Variants in EPHA6 observed in about 807,000 individuals in gnomAD.
The protein encoded by EPHA6 is ephrin type-A receptor 6.
In EPHA6, 50 loss-of-function variants were observed where a neutral mutation model predicts 112.0. That is an observed-to-expected ratio of 0.45 (90% CI 0.36 to 0.56). The LOEUF (loss-of-function observed/expected upper bound fraction) is 0.56, where lower values mean the gene tolerates loss of function less well. EPHA6 is among the 20% of genes least tolerant of loss of function. The probability of loss-of-function intolerance (pLI) is 0.00; values close to 1 mark genes in which losing one functional copy is unlikely to be tolerated. For missense variants in EPHA6, 1,280 were observed against 1,417.4 expected, an observed-to-expected ratio of 0.90 and a Z score of 1.56; for synonymous variants, 529 against 490.7, an observed-to-expected ratio of 1.08 and a Z score of -1.03.
chr3:97,465,029 G>A (rs2091009262), intron 7 of EPHA6, among the ~76,000 whole-genome samples: 1 of 152,062 alleles, frequency 6.6e-6, no homozygotes, highest in Non-Finnish European at 1.5e-5. Context: ...TACCTGCCAT[G>A]ATGGCAAATA....
At chr3:96,836,070 C>T (rs904445116) in intron 1 of EPHA6, among the ~76,000 whole-genome samples, 4 of 152,032 alleles carry the variant, frequency 2.6e-5, no homozygotes, top group Non-Finnish European at 4.4e-5. Flanking sequence ...TAATACTTGG[C>T]TACTACATGA....
intron 5 of EPHA6, among the ~76,000 whole-genome samples, chr3:97,274,475 G>A (rs987399519): frequency 3.9e-5 from 6 of 152,222 alleles, no homozygotes; most frequent in Admixed American, 1.3e-4. Context: ...CCCTTGCGTA[G>A]TGAGGAAACC....
At chr3:97,226,618 C>A (rs965066767) in intron 4 of EPHA6, among the ~76,000 whole-genome samples, 199 bp downstream of exon 4, 5 of 152,196 alleles carry the variant, frequency 3.3e-5, no homozygotes, top group Admixed American at 3.3e-4. Context: ...GTTTACTCCT[C>A]AAAATTCATT....
At chr3:97,006,785 C>T (rs2043897082) in intron 3 of EPHA6, among the ~76,000 whole-genome samples, 1 of 152,110 alleles carries the variant, frequency 6.6e-6, no homozygotes, top group Admixed American at 6.6e-5. Context: ...AGCTGTGTCC[C>T]AGAGATTCTG....
At chr3:97,216,296 G>T (rs924395701) in intron 3 of EPHA6, among the ~76,000 whole-genome samples, 1 of 152,066 alleles carries the variant, frequency 6.6e-6, no homozygotes, top group Non-Finnish European at 1.5e-5. Context: ...ACCTTATCTC[G>T]CATGAACTAA....
At chr3:96,913,190 ACACACACACACACACACACACAC>A (rs1252139218) in intron 2 of EPHA6, among the ~76,000 whole-genome samples, 244 of 138,270 alleles carry the variant, frequency 1.8e-3, no homozygotes, top group East Asian at 5.1e-3. Context: ...ACACACACAC[ACACACACACACACACACACACAC>A]CACACACACG....
At chr3:97,016,844 G>A (rs2044283275) in intron 3 of EPHA6, among the ~76,000 whole-genome samples, 1 of 152,098 alleles carries the variant, frequency 6.6e-6, no homozygotes, top group South Asian at 2.1e-4. Flanking sequence ...AATTCAATAT[G>A]ATTATTTTGC....
At chr3:97,196,226 A>G (rs1455925770) in intron 3 of EPHA6, among the ~76,000 whole-genome samples, 3 of 151,438 alleles carry the variant, frequency 2.0e-5, no homozygotes, top group Non-Finnish European at 4.4e-5. Flanking sequence ...CTTCAAGCTT[A>G]CTAATTCTTT....
intron 2 of EPHA6, among the ~76,000 whole-genome samples, chr3:96,899,910 T>C (rs902240299): frequency 2.0e-5 from 3 of 152,150 alleles, no homozygotes; most frequent in Non-Finnish European, 4.4e-5. Flanking sequence ...AACAGCCTTA[T>C]ATAGATCTTG....
chr3:97,434,654 A>T (rs2089718790), intron 6 of EPHA6, among the ~76,000 whole-genome samples: 1 of 152,122 alleles, frequency 6.6e-6, no homozygotes, highest in Admixed American at 6.6e-5. Flanking sequence ...TTATTGCATA[A>T]TTTTTAAGCC....
At chr3:97,068,308 A>G (rs1324791988) in intron 3 of EPHA6, among the ~76,000 whole-genome samples, 1 of 152,116 alleles carries the variant, frequency 6.6e-6, no homozygotes, top group Non-Finnish European at 1.5e-5. Flanking sequence ...TTCTAAAAGT[A>G]AACGACGGAA....
intron 6 of EPHA6, among the ~76,000 whole-genome samples, chr3:97,416,443 G>T (rs1330307189): frequency 6.6e-6 from 1 of 152,052 alleles, no homozygotes; most frequent in Non-Finnish European, 1.5e-5. Context: ...AGATGGAGAG[G>T]TATTTAATAT....
intron 6 of EPHA6, among the ~76,000 whole-genome samples, chr3:97,426,686 T>A (rs962755055): frequency 4.6e-5 from 7 of 152,066 alleles, no homozygotes; most frequent in Non-Finnish European, 7.4e-5. Context: ...AACAAAAACA[T>A]TGTCAAGTGG....
chr3:97,028,332 G>T (rs1487619258), intron 3 of EPHA6, among the ~76,000 whole-genome samples: 1 of 152,072 alleles, frequency 6.6e-6, no homozygotes, highest in East Asian at 1.9e-4. Flanking sequence ...ACTGTTTGGG[G>T]AGGATTAAAT....
chr3:96,905,772 G>A (rs1047355610), intron 2 of EPHA6, among the ~76,000 whole-genome samples: 7 of 151,582 alleles, frequency 4.6e-5, no homozygotes, highest in Admixed American at 1.3e-4. Context: ...AAGAGAAATC[G>A]GTGTTAATAT....
At chr3:97,330,359 T>G (rs2082721188) in intron 5 of EPHA6, among the ~76,000 whole-genome samples, 1 of 152,158 alleles carries the variant, frequency 6.6e-6, no homozygotes, top group Non-Finnish European at 1.5e-5. Flanking sequence ...GTGAAGAAAG[T>G]CATTGGTAGT....
At chr3:97,134,647 A>C (rs1049058570) in intron 3 of EPHA6, among the ~76,000 whole-genome samples, 2 of 152,198 alleles carry the variant, frequency 1.3e-5, no homozygotes, top group Admixed American at 6.6e-5. Flanking sequence ...TAAAGATGGA[A>C]GAAGCAGTAA....
chr3:97,327,959 GTGTA>G (rs1262339515), intron 5 of EPHA6, among the ~76,000 whole-genome samples: 27 of 107,536 alleles, frequency 2.5e-4, no homozygotes, highest in African/African-American at 2.3e-3. Flanking sequence ...ATGTATCTGT[GTGTA>G]TATATATGTA....
intron 5 of EPHA6, among the ~76,000 whole-genome samples, chr3:97,380,124 C>A (rs1158553468): frequency 6.6e-6 from 1 of 152,100 alleles, no homozygotes; most frequent in African/African-American, 2.4e-5. Context: ...GAAAACAGAC[C>A]TTTAATACCT....
Sources: gnomAD v4.1 joint callset for allele counts (sites outside exome capture counted in the v4.1 genomes callset) on GRCh38, gnomAD v4.1.1 for gene constraint, MANE v1.5 for transcripts, NCBI Gene and HGNC (gene_info 2026-07-23, HGNC 2026-07-21) for gene names.